UVSSA: variants seen among roughly 807,000 people sequenced by gnomAD.
The protein encoded by UVSSA is UV stimulated scaffold protein A.
In UVSSA, 72 loss-of-function variants were observed where a neutral mutation model predicts 73.9. That is an observed-to-expected ratio of 0.97 (90% CI 0.81 to 1.19). UVSSA has a LOEUF of 1.19. Among genes scored for constraint, UVSSA ranks in the 50% most tolerant of loss-of-function variants. The pLI, the probability that UVSSA is intolerant of heterozygous loss-of-function variation, is 0.00. For synonymous variants in UVSSA, 454 were observed against 391.3 expected (o/e 1.16, Z -1.89); for missense variants, 1,150 against 965.0 (o/e 1.19, Z -2.54).
intron 10 of UVSSA, among the ~76,000 whole-genome samples, chr4:1,377,931 G>A (rs1466769833): frequency 2.0e-5 from 3 of 152,236 alleles, no homozygotes; most frequent in African/African-American, 4.8e-5. Flanking sequence ...GTGGATGGGG[G>A]TACATGGGCT....
intron 11 of UVSSA, among the ~76,000 whole-genome samples, chr4:1,380,431 C>T (rs1429606897): frequency 4.6e-5 from 7 of 152,328 alleles, no homozygotes; most frequent in African/African-American, 1.4e-4. Context: ...CTCCTGCCCA[C>T]GGCCCTGAAG....
chr4:1,354,475 G>A (rs1473403233), intron 5 of UVSSA: 1 of 507,788 alleles, frequency 2.0e-6, no homozygotes, highest in Non-Finnish European at 3.6e-6. Context: ...AGATGGGATG[G>A]CTGCAGCCAA....
At chr4:1,389,393 A>G (rs1417577112), downstream of UVSSA, 1 of 152,264 alleles carries the variant, frequency 6.6e-6, no homozygotes, top group Non-Finnish European at 1.5e-5. Flanking sequence ...TTTGTTTGAG[A>G]CAGAGTCTTG....
intron 13 of UVSSA, chr4:1,385,422 C>A (rs935012358): frequency 2.4e-5 from 5 of 210,196 alleles, no homozygotes; most frequent in South Asian, 1.6e-4. Flanking sequence ...CCGTGCCCCC[C>A]CTGCTGCAGC....
At chr4:1,395,265 C>T (rs2109337980) in exon 14 of UVSSA, 1 of 1,575,146 alleles carries the variant, frequency 6.3e-7, no homozygotes, top group South Asian at 1.1e-5. Context: ...TGCCCGCCTG[C>T]TCACGTGCCG....
chr4:1,387,552 C>T lies in UVSSA; in HGVS notation c.*1591C>T, dbSNP rs1030309989. On this transcript the variant is annotated 3_prime_UTR_variant, in exon 14 of 14. Transcript: ENST00000389851. Reference sequence around the variant, plus strand: ...TAATCCAAGATCACAGAGATTTACACCTAGTTTCTAATAAGCATTTTATAA... The same window carrying T: ...TAATCCAAGATCACAGAGATTTACATCTAGTTTCTAATAAGCATTTTATAA... 6.6e-6 allele frequency: 1 copy of T among 152,166 alleles called. No homozygotes were observed. Among genetic ancestry groups the T allele is most frequent in the Admixed American group, 6.5e-5 (1 of 15,284 alleles). 9.4% of individuals were successfully genotyped at this position (152,166 alleles called of 1,614,324 possible).
rs149117346 is a variant in UVSSA, at chr4:1,395,319, C to T, written c.*9358C>T. 5.7e-5 allele frequency: 89 copies of T among 1,554,890 alleles called. 4 individuals are homozygous for T. The highest frequency in any genetic ancestry group is 1.8e-4 in the Middle Eastern group (1 of 5,522). ...CTCACACGTGCCCATGTGGAGTGCC[C>T]GCCTGCTCACGTGCCGATGTGGGGT... On this transcript the variant is annotated 3_prime_UTR_variant, in exon 14 of 14. Coordinates refer to the UVSSA transcript ENST00000511216.
intron 8 of UVSSA, among the ~76,000 whole-genome samples, chr4:1,369,813 AT>A (rs1297482829): frequency 1.3e-5 from 2 of 152,236 alleles, no homozygotes; most frequent in Non-Finnish European, 2.9e-5. Context: ...GGATTTGGAC[AT>A]TTTTATGATT....
intron 10 of UVSSA, among the ~76,000 whole-genome samples, chr4:1,376,903 C>T (rs1331960112): frequency 2.0e-5 from 3 of 152,162 alleles, no homozygotes; most frequent in African/African-American, 4.8e-5. Flanking sequence ...CACCCTAAGG[C>T]GTCTTCCTTA....
At chr4:1,390,569 CTACCA>C (rs1474981594), downstream of UVSSA, 1 of 152,240 alleles carries the variant, frequency 6.6e-6, no homozygotes, top group African/African-American at 2.4e-5. Context: ...CAAGCATGAG[CTACCA>C]TACCTGGCCT....
At chr4:1,377,100 C>T (rs554429283) in intron 10 of UVSSA, among the ~76,000 whole-genome samples, 6 of 152,280 alleles carry the variant, frequency 3.9e-5, no homozygotes, top group South Asian at 2.1e-4. Flanking sequence ...GCGTCTCATC[C>T]GTGTGAGGGG....
chr4:1,353,489 G>C, intron 5 of UVSSA, 76 bp downstream of exon 5: 2 of 1,429,214 alleles, frequency 1.4e-6, no homozygotes, highest in Non-Finnish European at 1.8e-6. Flanking sequence ...ACTGGCACCC[G>C]GCCCAGGAGC....
At chr4:1,379,799 C>CCACAGTGTTGG (rs1560481645) in intron 10 of UVSSA, among the ~76,000 whole-genome samples, 9 of 38,150 alleles carry the variant, frequency 2.4e-4, no homozygotes, top group Admixed American at 6.3e-4. Context: ...TGCCCGTGGT[C>CCACAGTGTTGG]GCGCGGCTGG....
chr4:1,395,721 T>G, exon 14 of UVSSA: 1 of 1,614,192 alleles, frequency 6.2e-7, no homozygotes, highest in Non-Finnish European at 8.5e-7. Flanking sequence ...CCTGGCATGG[T>G]GGTTCTGTAG....
At chr4:1,369,845 G>C (rs1488234614) in intron 8 of UVSSA, among the ~76,000 whole-genome samples, 2 of 152,272 alleles carry the variant, frequency 1.3e-5, no homozygotes, top group Admixed American at 6.5e-5. Context: ...ACAACTGTGG[G>C]AGTGAATTTG....
At chr4:1,345,738 C>T (rs1713616702), upstream of UVSSA, among the ~76,000 whole-genome samples, 1 of 151,154 alleles carries the variant, frequency 6.6e-6, no homozygotes, top group Non-Finnish European at 1.5e-5. Flanking sequence ...GCTGTTGAGC[C>T]TGAGGGCTGA....
chr4:1,351,875 G>A, intron 4 of UVSSA, 40 bp downstream of exon 4: 1 of 1,605,138 alleles, frequency 6.2e-7, no homozygotes, highest in South Asian at 1.1e-5. Context: ...ACGCCTCTGA[G>A]GGTTGCCCGT....
In UVSSA at chr4:1,361,679, G is replaced by A. The variant is rs1440454597; in HGVS notation, c.1177-4641G>A. Among the ~76,000 whole-genome samples, 7 of 152,246 alleles carry A rather than the reference G, an allele frequency of 4.6e-5. No individual in the cohort carries two copies. In the East Asian group the frequency reaches 9.6e-4, roughly 21 times the overall value. ...ATTGGCCTGGCCGGGCAATTTGCAC[G>A]GCCTTCCAGGGAGGGCATTAGCATA... On this transcript the variant is annotated intron_variant, in intron 7 of 13. Transcript: ENST00000389851.
Position 1,380,820 on chromosome 4 carries a change from G to A in UVSSA, c.1753-60G>A, listed in dbSNP as rs1388952723. The A allele has an allele frequency of 5.0e-6, 8 of 1,594,838 alleles. No individual in the cohort carries two copies. The Admixed American group carries it at 1.0e-4, about 20-fold the overall frequency. On this transcript the variant is annotated intron_variant, in intron 11 of 13. Transcript: ENST00000389851. The stretch of plus-strand genomic sequence containing the variant: ...TGTGCCCAAGTCGTGGTGGTGGGGG[G>A]AGGTGGTCAAGGCAAGCGGACCCCT...
Sources: allele counts gnomAD v4.1 joint callset (sites outside exome capture counted in the v4.1 genomes callset), GRCh38; gene constraint gnomAD v4.1.1; transcripts MANE v1.5; gene names NCBI Gene and HGNC (gene_info 2026-07-23, HGNC 2026-07-21).